The following PSMA8 variants were observed in gnomAD, a reference collection of about 807,000 sequenced individuals.
PSMA8 encodes the protein proteasome 20S subunit alpha 8.
In PSMA8, 18 loss-of-function variants were observed where a neutral mutation model predicts 32.4. That is an observed-to-expected ratio of 0.56 (90% CI 0.38 to 0.82). The LOEUF (loss-of-function observed/expected upper bound fraction) is 0.82. Among genes scored for constraint, PSMA8 ranks in the 40% least tolerant of loss-of-function variants. The probability of loss-of-function intolerance (pLI) is 0.00; values close to 1 mark genes in which losing one functional copy is unlikely to be tolerated. For synonymous variants in PSMA8, 104 were observed against 98.1 expected (o/e 1.06, Z -0.36); for missense variants, 298 against 300.7 (o/e 0.99, Z 0.07).
At chr18:26,154,581 A>G (rs930631661) in intron 3 of PSMA8, among the ~76,000 whole-genome samples, 3 of 151,738 alleles carry the variant, frequency 2.0e-5, no homozygotes, top group Admixed American at 2.0e-4. Context: ...TCTCATATGC[A>G]CCTTTTGTAG....
rs2055106683 is a variant in PSMA8, at chr18:26,158,212, A to C, written c.445A>C (p.Thr149Pro). The change falls in exon 4 of 7, where the codon ACA becomes CCA. Residue 149 changes from threonine (T) to proline (P), a missense_variant. Transcript: ENST00000415576. ...DDDGISRLYQ[T>P]DPSGTYHAWK... ...TGATGGTATCTCAAGATTGTATCAG[A>C]CAGATCCTTCTGGTACTTATCATGC... The C allele has an allele frequency of 6.2e-7, 1 of 1,609,308 alleles. No homozygotes were observed. Among genetic ancestry groups the C allele is most frequent in the East Asian group, 2.2e-5 (1 of 44,660 alleles).
intron 4 of PSMA8, among the ~76,000 whole-genome samples, chr18:26,174,300 G>T (rs2055247742): frequency 6.6e-6 from 1 of 152,004 alleles, no homozygotes; most frequent in Non-Finnish European, 1.5e-5. Flanking sequence ...CTAAGATATT[G>T]GTATTTAAGT....
chr18:26,158,417 C>T (rs1351071408), intron 4 of PSMA8, among the ~76,000 whole-genome samples, 173 bp downstream of exon 4: 1 of 152,154 alleles, frequency 6.6e-6, no homozygotes, highest in Non-Finnish European at 1.5e-5. Flanking sequence ...AAAGAATCAC[C>T]TTAATTTTGT....
At chr18:26,154,884 G>A (rs2055075711) in intron 3 of PSMA8, among the ~76,000 whole-genome samples, 1 of 152,038 alleles carries the variant, frequency 6.6e-6, no homozygotes, top group Non-Finnish European at 1.5e-5. Flanking sequence ...CGAAGTGCTG[G>A]GATTACAGGC....
intron 4 of PSMA8, among the ~76,000 whole-genome samples, chr18:26,163,219 A>ATG (rs2055150206): frequency 7.4e-5 from 1 of 13,552 alleles, no homozygotes; most frequent in African/African-American, 1.6e-4. Flanking sequence ...GTGTGTATAT[A>ATG]TATATATATA....
At chr18:26,174,297 A>G (rs1272243341) in intron 4 of PSMA8, among the ~76,000 whole-genome samples, 1 of 152,186 alleles carries the variant, frequency 6.6e-6, no homozygotes, top group Non-Finnish European at 1.5e-5. Context: ...GTTCTAAGAT[A>G]TTGGTATTTA....
chr18:26,134,895 G>A lies in PSMA8; in HGVS notation c.102+828G>A, dbSNP rs140599225. Among the ~76,000 whole-genome samples the A allele has an allele frequency of 5.2e-3, 786 of 151,964 alleles. 6 individuals are homozygous for A. Among genetic ancestry groups the A allele is most frequent in the African/African-American group, 0.018 (740 of 41,456 alleles). ...CTTGAACCTGGGAGGCAGAGGTTGC[G>A]GTGAGCCGAGATCGTGCCATTGCAC... On this transcript the variant is annotated intron_variant, in intron 1 of 6. Transcript: ENST00000415576.
intron 1 of PSMA8, 29 bp downstream of exon 1, chr18:26,134,096 C>A: frequency 6.5e-7 from 1 of 1,541,564 alleles, no homozygotes; most frequent in East Asian, 2.2e-5. Flanking sequence ...CCGGACTATT[C>A]CCCGCTCTGA....
chr18:26,147,306 G>A (rs766104741), intron 2 of PSMA8, among the ~76,000 whole-genome samples: 14 of 151,238 alleles, frequency 9.3e-5, no homozygotes, highest in Middle Eastern at 3.2e-3. Flanking sequence ...GAAGGAAGAC[G>A]TGAAAATCCA....
intron 4 of PSMA8, among the ~76,000 whole-genome samples, chr18:26,177,693 G>C (rs866273572): frequency 1.2e-4 from 19 of 152,244 alleles, no homozygotes; most frequent in Middle Eastern, 3.4e-3. Context: ...AAGAGGAAAG[G>C]AATAGAAGCC....
intron 6 of PSMA8, among the ~76,000 whole-genome samples, chr18:26,188,016 G>A (rs1224197598): frequency 6.6e-6 from 1 of 151,790 alleles, no homozygotes; most frequent in Non-Finnish European, 1.5e-5. Flanking sequence ...CCATTTTCAA[G>A]GATAGACCAT....
chr18:26,178,427 T>C (rs941108569), intron 4 of PSMA8, among the ~76,000 whole-genome samples: 1 of 151,930 alleles, frequency 6.6e-6, no homozygotes, highest in Non-Finnish European at 1.5e-5. Flanking sequence ...CTGGGCAACA[T>C]AGCAAGACTA....
chr18:26,163,250 T>TATATATATATATATATATATA (rs1555662103), intron 4 of PSMA8, among the ~76,000 whole-genome samples: 1 of 94,544 alleles, frequency 1.1e-5, no homozygotes, highest in African/African-American at 4.0e-5. Flanking sequence ...TATATATATA[T>TATATATATATATATATATATA]ATATATATAT....
chr18:26,134,940 G>C (rs1358746353), intron 1 of PSMA8, among the ~76,000 whole-genome samples: 3 of 150,256 alleles, frequency 2.0e-5, no homozygotes, highest in Non-Finnish European at 4.4e-5. Flanking sequence ...GGCAACAAAA[G>C]CGAAACTCCG....
At chr18:26,138,070 G>T (rs567301925) in intron 1 of PSMA8, among the ~76,000 whole-genome samples, 1 of 152,178 alleles carries the variant, frequency 6.6e-6, no homozygotes, top group African/African-American at 2.4e-5. Context: ...GCTAGAAACT[G>T]GTGCCAGATC....
chr18:26,191,191 C>T (rs1481335960), intron 6 of PSMA8, among the ~76,000 whole-genome samples: 1 of 152,108 alleles, frequency 6.6e-6, no homozygotes, highest in Non-Finnish European at 1.5e-5. Context: ...AGCTAAAATC[C>T]TTTACATCTC....
At chr18:26,176,659 A>G (rs2055266189) in intron 4 of PSMA8, among the ~76,000 whole-genome samples, 1 of 152,164 alleles carries the variant, frequency 6.6e-6, no homozygotes. Context: ...TTGGCCAGGC[A>G]CAGTGGCTCA....
At chr18:26,172,107 T>C (rs967995677) in intron 4 of PSMA8, among the ~76,000 whole-genome samples, 5 of 152,194 alleles carry the variant, frequency 3.3e-5, no homozygotes, top group Admixed American at 1.3e-4. Flanking sequence ...TATCTCAAGA[T>C]TACCAGCTGC....
In PSMA8 at chr18:26,166,751, G is replaced by T. The variant is rs115684880; in HGVS notation, c.477+8507G>T. 3.2e-3 allele frequency among the ~76,000 whole-genome samples: 492 copies of T among 152,240 alleles called. 4 individuals are homozygous for T. The highest frequency in any genetic ancestry group is 0.01 in the African/African-American group (435 of 41,546). ...GAGATTTGGCAGGACATATTCTCAAGGATGAGCAAACTGAGCCTGTTACTT... is the reference window on the plus strand; with the variant it reads ...GAGATTTGGCAGGACATATTCTCAATGATGAGCAAACTGAGCCTGTTACTT... On this transcript the variant is annotated intron_variant, in intron 4 of 6. Coordinates refer to ENST00000415576, the MANE Select transcript of PSMA8 (RefSeq NM_001025096.2).
Sources: allele counts gnomAD v4.1 joint callset (sites outside exome capture counted in the v4.1 genomes callset), GRCh38; gene constraint gnomAD v4.1.1; transcripts MANE v1.5; gene names NCBI Gene and HGNC (gene_info 2026-07-23, HGNC 2026-07-21).